Variants in CCDC9 observed in about 807,000 individuals in gnomAD.
CCDC9 encodes coiled-coil domain containing 9, also known as coiled-coil domain-containing protein 9.
Under a neutral mutation model 65.6 loss-of-function variants are expected in CCDC9, and 52 were observed. That is an observed-to-expected ratio of 0.79 (90% CI 0.63 to 1.00). The LOEUF is 1.00. Among genes scored for constraint, CCDC9 ranks in the 50% least tolerant of loss-of-function variants. CCDC9 has a pLI of 0.00. For synonymous variants in CCDC9, 332 were observed against 280.3 expected (o/e 1.18, Z -1.84); for missense variants, 834 against 757.2 (o/e 1.10, Z -1.19).
At chr19:47,263,690 C>T in intron 5 of CCDC9, among the ~76,000 whole-genome samples, 1 of 152,024 alleles carries the variant, frequency 6.6e-6, no homozygotes, top group East Asian at 1.9e-4. Context: ...CTCAGCCTCC[C>T]AAGTAGCTGG....
chr19:47,267,383 A>G (rs2059089181), intron 8 of CCDC9, among the ~76,000 whole-genome samples: 1 of 152,020 alleles, frequency 6.6e-6, no homozygotes, highest in African/African-American at 2.4e-5. Context: ...TGTTCAAGCA[A>G]TTCTCCTGCC....
chr19:47,264,899 G>GC lies in CCDC9; in HGVS notation c.673_674insC (p.Gly225AlafsTer12). 6.8e-7 allele frequency: 1 copy of GC among 1,470,404 alleles called. No homozygotes were observed. The highest frequency in any genetic ancestry group is 9.0e-7 in the Non-Finnish European group (1 of 1,113,326). 91.1% of individuals were successfully genotyped at this position (1,470,404 alleles called of 1,614,324 possible). A position where few individuals can be genotyped will look rare whatever the true frequency, so the allele number is the denominator to read the frequency against. ...CCGCCGGCACGGCCGCAACTGGGGGGGCCCCGACTTCGAGCGGGTGCGCTG... is the reference window on the plus strand; with the variant it reads ...CCGCCGGCACGGCCGCAACTGGGGGGCGCCCCGACTTCGAGCGGGTGCGCTG... On this transcript the variant is annotated frameshift_variant, in exon 7 of 12. Coordinates refer to ENST00000221922, the MANE Select transcript of CCDC9 (RefSeq NM_015603.3). LOFTEE classifies it high-confidence loss of function.
At chr19:47,260,551 C>T (rs376917758) in intron 4 of CCDC9, 37 bp from the exon 5 acceptor site, 3 of 1,550,674 alleles carry the variant, frequency 1.9e-6, no homozygotes, top group Non-Finnish European at 2.6e-6. Context: ...GCCTCCCTGC[C>T]CCAGTGACTG....
In CCDC9 at chr19:47,258,314, T is replaced by C. The variant is rs2059024054; in HGVS notation, c.-71-16T>C. The stretch of plus-strand genomic sequence containing the variant: ...GGGGCCATTGGCCTTTGTCCTTTTT[T>C]TCCCTCTGTCCCCAGGAACCCTCAG... On this transcript the variant is annotated splice_polypyrimidine_tract_variant and intron_variant, in intron 1 of 11. Coordinates refer to ENST00000221922, the MANE Select transcript of CCDC9 (RefSeq NM_015603.3). The C allele has an allele frequency of 2.0e-6, 3 of 1,477,686 alleles. No individual in the cohort carries two copies. Among genetic ancestry groups the C allele is most frequent in the Non-Finnish European group, 2.8e-6 (3 of 1,058,206 alleles). 91.5% of individuals were successfully genotyped at this position (1,477,686 alleles called of 1,614,324 possible).
chr19:47,264,705 C>G lies in CCDC9; in HGVS notation c.546+19C>G. 4 of 1,602,494 alleles carry G rather than the reference C, an allele frequency of 2.5e-6. No individual in the cohort carries two copies. The highest frequency in any genetic ancestry group is 3.4e-6 in the Non-Finnish European group (4 of 1,174,828). On this transcript the variant is annotated intron_variant, in intron 6 of 11. Coordinates refer to ENST00000221922, the MANE Select transcript of CCDC9 (RefSeq NM_015603.3). ...CCAGCGGGTCAGTGGTGCGGGTGTC[C>G]CCGAGGCAGGGCCGAGCTGCCTGGG...
intron 8 of CCDC9, among the ~76,000 whole-genome samples, chr19:47,269,341 T>C (rs939273573): frequency 6.6e-6 from 1 of 151,910 alleles, no homozygotes; most frequent in Non-Finnish European, 1.5e-5. Context: ...ATAATCTGTG[T>C]AATAATATTA....
At chr19:47,270,293 T>C in intron 8 of CCDC9, 114 bp from the exon 9 acceptor site, 1 of 992,264 alleles carries the variant, frequency 1.0e-6, no homozygotes, top group South Asian at 1.4e-5. Flanking sequence ...GTGTCCCCTG[T>C]CTGGTTGACC....
chr19:47,262,746 T>C (rs973273675), intron 5 of CCDC9, among the ~76,000 whole-genome samples: 10 of 152,132 alleles, frequency 6.6e-5, no homozygotes, highest in African/African-American at 2.4e-4. Flanking sequence ...TATTTGCCCA[T>C]CTAAAATTTT....
At chr19:47,258,533 A>G (rs759009445) in intron 2 of CCDC9, 26 bp from the exon 3 acceptor site, 2 of 1,609,740 alleles carry the variant, frequency 1.2e-6, no homozygotes, top group Non-Finnish European at 1.7e-6. Flanking sequence ...TTTTCCTTCC[A>G]TCCCTCAACT....
chr19:47,260,799 C>G lies in CCDC9; in HGVS notation c.422C>G (p.Ser141Cys). ...RGRGRGSPHL[S>C]GAGDTSISDR... is the part of the protein sequence containing the mutation. Reference sequence around the variant, plus strand: ...CGGGGCCGAGGTTCACCTCACCTCTCTGGAGCTGGAGACACCTCAATCTCT... The same window carrying G: ...CGGGGCCGAGGTTCACCTCACCTCTGTGGAGCTGGAGACACCTCAATCTCT... Residue 141 changes from serine (S) to cysteine (C), a missense_variant, in exon 5 of 12, where the codon TCT becomes TGT. Coordinates refer to ENST00000221922, the MANE Select transcript of CCDC9 (RefSeq NM_015603.3). The G allele has an allele frequency of 1.2e-6, 2 of 1,613,442 alleles. No homozygotes were observed. The highest frequency in any genetic ancestry group is 1.7e-6 in the Non-Finnish European group (2 of 1,179,692).
intron 7 of CCDC9, 29 bp downstream of exon 7, chr19:47,264,975 G>A: frequency 2.1e-6 from 3 of 1,428,154 alleles, no homozygotes; most frequent in Non-Finnish European, 2.7e-6. Context: ...GACACCTCGG[G>A]GCTCTCAGGG....
chr19:47,271,069 C>G lies in CCDC9; in HGVS notation c.1086-13C>G. On this transcript the variant is annotated splice_polypyrimidine_tract_variant and intron_variant, in intron 10 of 11. Transcript: ENST00000221922. ...CTCCACCCAGGCATCACCCCTCCCT[C>G]TGTTCCCTCTAGTGACCATGATGAC... is the stretch of plus-strand genomic sequence containing the variant. 2 of 1,532,390 alleles carry G rather than the reference C, an allele frequency of 1.3e-6. No homozygotes were observed. Among genetic ancestry groups the G allele is most frequent in the South Asian group, 1.2e-5 (1 of 82,116 alleles). 94.9% of individuals were successfully genotyped at this position (1,532,390 alleles called of 1,614,324 possible).
chr19:47,275,516 C>G, downstream of CCDC9: 1 of 925,834 alleles, frequency 1.1e-6, no homozygotes, highest in South Asian at 1.8e-5. Flanking sequence ...AGCTCGGGGC[C>G]TTGCCTCTTG....
chr19:47,261,121 C>G (rs756905912), intron 5 of CCDC9, among the ~76,000 whole-genome samples: 1 of 152,002 alleles, frequency 6.6e-6, no homozygotes, highest in South Asian at 2.1e-4. Flanking sequence ...TGTTCCTCCT[C>G]GCCTTCCTTC....
downstream of CCDC9, chr19:47,275,703 G>T (rs949850225): frequency 3.1e-6 from 1 of 320,058 alleles, no homozygotes; most frequent in African/African-American, 2.2e-5. Context: ...GCCTCGTGCT[G>T]TGTCTGTCCT....
downstream of CCDC9, chr19:47,274,961 C>G: frequency 3.6e-6 from 5 of 1,387,906 alleles, no homozygotes; most frequent in Non-Finnish European, 4.6e-6. Context: ...CCGAGAGCCC[C>G]GGAGGCGCGG....
At chr19:47,256,948 C>T (rs1016077605) in intron 1 of CCDC9, among the ~76,000 whole-genome samples, 2 of 150,456 alleles carry the variant, frequency 1.3e-5, no homozygotes, top group Non-Finnish European at 3.0e-5. Flanking sequence ...GAAAGTTTTG[C>T]CTTACTGGAA....
At chr19:47,260,969 T>A in intron 5 of CCDC9, 130 bp downstream of exon 5, 1 of 1,083,390 alleles carries the variant, frequency 9.2e-7, no homozygotes, top group Non-Finnish European at 1.3e-6. Flanking sequence ...CCTTTGCATC[T>A]GGCTCTGTTT....
downstream of CCDC9, among the ~76,000 whole-genome samples, chr19:47,272,441 G>C (rs2059130016): frequency 6.6e-6 from 1 of 151,208 alleles, no homozygotes; most frequent in Non-Finnish European, 1.5e-5. Flanking sequence ...GTCGAGCTCA[G>C]GGGTTTTGGA....
Sources: gnomAD v4.1 joint callset for allele counts (sites outside exome capture counted in the v4.1 genomes callset) on GRCh38, gnomAD v4.1.1 for gene constraint, MANE v1.5 for transcripts, NCBI Gene and HGNC (gene_info 2026-07-23, HGNC 2026-07-21) for gene names.